PLA2R1: variants seen among roughly 807,000 people sequenced by gnomAD.
The protein encoded by PLA2R1 is secretory phospholipase A2 receptor.
A neutral mutation model predicts 195.9 loss-of-function variants in PLA2R1; 158 were observed. That is an observed-to-expected ratio of 0.81 (90% CI 0.71 to 0.92). The LOEUF is 0.92. Ranked by LOEUF, PLA2R1 falls within the 40% of genes least tolerant of loss-of-function variation. The pLI, the probability that PLA2R1 is intolerant of heterozygous loss-of-function variation, is 0.00. For missense variants in PLA2R1, 1,626 were observed against 1,764.6 expected (o/e 0.92, Z 1.41); for synonymous variants, 586 against 598.2 (o/e 0.98, Z 0.30).
the PLA2R1 span, among the ~76,000 whole-genome samples, chr2:159,924,192 A>C: frequency 1.3e-5 from 2 of 152,148 alleles, no homozygotes; most frequent in Non-Finnish European, 2.9e-5. Context: ...CTCTGCATGC[A>C]TGTTGAATCT....
chr2:160,038,238 C>T (rs779464071), intron 3 of PLA2R1, among the ~76,000 whole-genome samples: 5 of 152,176 alleles, frequency 3.3e-5, no homozygotes, highest in Admixed American at 1.3e-4. Flanking sequence ...TTTCAAGACT[C>T]GCACAGGTCT....
At chr2:159,947,208 T>A (rs558201835) in intron 26 of PLA2R1, among the ~76,000 whole-genome samples, 1 of 152,208 alleles carries the variant, frequency 6.6e-6, no homozygotes, top group Non-Finnish European at 1.5e-5. Context: ...TGAGACATCA[T>A]CTTAGGTTTC....
intron 17 of PLA2R1, among the ~76,000 whole-genome samples, chr2:159,975,461 T>A (rs759025535): frequency 6.6e-6 from 1 of 152,122 alleles, no homozygotes; most frequent in Non-Finnish European, 1.5e-5. Flanking sequence ...TTCTCTACTT[T>A]AAGTTGAAAT....
intron 3 of PLA2R1, 28 bp from the exon 4 acceptor site, chr2:160,033,160 C>A (rs571271755): frequency 3.2e-6 from 5 of 1,576,756 alleles, no homozygotes; most frequent in Non-Finnish European, 4.3e-6. Context: ...TAAAAACAAC[C>A]AGGTCTTATT....
intron 20 of PLA2R1, among the ~76,000 whole-genome samples, chr2:159,959,745 C>T (rs1273982792): frequency 6.6e-6 from 1 of 152,076 alleles, no homozygotes; most frequent in Non-Finnish European, 1.5e-5. Flanking sequence ...TACAATAAGC[C>T]TGAAACCTCA....
At chr2:159,944,798 C>T in intron 28 of PLA2R1, 108 bp downstream of exon 28, 1 of 785,742 alleles carries the variant, frequency 1.3e-6, no homozygotes, top group South Asian at 1.7e-5. Flanking sequence ...CAGAATCTAT[C>T]TGAATACTCT....
In PLA2R1 at chr2:160,062,583, C is replaced by T. The variant is rs1696044575; in HGVS notation, c.-180G>A. On this transcript the variant is annotated 5_prime_UTR_variant, in exon 1 of 30. Coordinates refer to ENST00000283243, the MANE Select transcript of PLA2R1 (RefSeq NM_007366.5). ...GCCCTGGAGACCCACTCCGCCACCG[C>T]TGTCTCCACAGTGAACCGACACTCG... 4.4e-6 allele frequency: 5 copies of T among 1,128,274 alleles called. No homozygotes were observed. The highest frequency in any genetic ancestry group is 7.7e-5 in the Admixed American group (2 of 25,878). The allele number at this position is 1,128,274 out of a possible 1,614,324, so 69.9% of individuals were successfully genotyped here.
chr2:159,996,437 G>A (rs779196658), intron 11 of PLA2R1, among the ~76,000 whole-genome samples: 3 of 152,020 alleles, frequency 2.0e-5, no homozygotes, highest in Non-Finnish European at 2.9e-5. Context: ...CTAAAGATAA[G>A]GTGTTTTTCC....
At chr2:160,051,298 T>C (rs1262450321) in intron 1 of PLA2R1, among the ~76,000 whole-genome samples, 1 of 152,236 alleles carries the variant, frequency 6.6e-6, no homozygotes, top group Non-Finnish European at 1.5e-5. Flanking sequence ...AGCCACAGCA[T>C]GCAGGCTGCA....
chr2:159,988,637 A>C (rs1690532078), intron 11 of PLA2R1, among the ~76,000 whole-genome samples: 1 of 152,200 alleles, frequency 6.6e-6, no homozygotes, highest in South Asian at 2.1e-4. Context: ...GTGATTATAG[A>C]TGACTGACGA....
Position 160,028,898 on chromosome 2 carries a change from A to G in PLA2R1, c.907T>C (p.Trp303Arg). 6.2e-7 allele frequency: 1 copy of G among 1,613,090 alleles called. No individual in the cohort carries two copies. Reference protein sequence around the residue: ...GLNQLDEHAGWQWSDGTPLNY... With the variant: ...GLNQLDEHAGRQWSDGTPLNY... ...AGCGGCGTTCCATCAGACCACTGCC[A>G]GCCAGCGTGTTCATCCAGCTGATTG... The change falls in exon 5 of 30, where the codon TGG (tryptophan) becomes CGG (arginine). Residue 303 changes from tryptophan to arginine, a missense_variant. Physicochemically the swap from Trp to Arg is moderately radical, Grantham distance 101. Transcript: ENST00000283243.
At chr2:160,006,777 T>A (rs1431167029) in intron 10 of PLA2R1, among the ~76,000 whole-genome samples, 1 of 152,224 alleles carries the variant, frequency 6.6e-6, no homozygotes, top group Non-Finnish European at 1.5e-5. Flanking sequence ...CCAGGAAACC[T>A]AAGGAGAAAG....
At chr2:160,051,642 T>C (rs1049891091) in intron 1 of PLA2R1, among the ~76,000 whole-genome samples, 2 of 152,224 alleles carry the variant, frequency 1.3e-5, no homozygotes, top group African/African-American at 4.8e-5. Context: ...AAGATTACTC[T>C]GTAGCAGGAA....
chr2:159,947,483 G>C lies in PLA2R1; in HGVS notation c.3786C>G (p.Tyr1262Ter), dbSNP rs990788678. Residue 1262 changes from tyrosine (Y) to a stop codon, truncating the protein, a stop_gained, in exon 26 of 30, where the codon TAC becomes TAG. Coordinates refer to ENST00000283243, the MANE Select transcript of PLA2R1 (RefSeq NM_007366.5). LOFTEE classifies it high-confidence loss of function. ...IPWIKFKSNC[Y>*]SFSTVLDSMS... ...TACTGTCTAGGACTGTAGAAAAACT[G>C]TAGCAATTACTTTTAAATTTTATCC... 6.2e-7 allele frequency: 1 copy of C among 1,613,012 alleles called. No homozygotes were observed. Among genetic ancestry groups the C allele is most frequent in the Non-Finnish European group, 8.5e-7 (1 of 1,179,134 alleles).
chr2:160,059,822 C>G (rs1311613359), intron 1 of PLA2R1, among the ~76,000 whole-genome samples: 1 of 152,194 alleles, frequency 6.6e-6, no homozygotes, highest in South Asian at 2.1e-4. Context: ...AAGCAGAAAC[C>G]CTTAATAAAC....
chr2:159,942,627 G>C (rs562683004), intron 28 of PLA2R1, among the ~76,000 whole-genome samples: 5 of 152,298 alleles, frequency 3.3e-5, no homozygotes, highest in African/African-American at 1.2e-4. Flanking sequence ...TCTTTGTAAG[G>C]ATTTTTAAAT....
In PLA2R1 at chr2:159,933,525, T is replaced by A. The variant is rs191402483; in HGVS notation, c.*8253A>T. The A allele has an allele frequency of 1.1e-4, 16 of 152,322 alleles. No individual in the cohort carries two copies. The highest frequency in any genetic ancestry group is 3.4e-4 in the African/African-American group (14 of 41,568). The allele number at this position is 152,322 out of a possible 1,614,324, so 9.4% of individuals were successfully genotyped here. On this transcript the variant is annotated 3_prime_UTR_variant, in exon 30 of 30. Transcript: ENST00000283243. ...ATTAATCAGTCCCCTCTCCTTTTTTTTCTGATTCTCTTCTTCTTGATATTA... is the reference window on the plus strand; with the variant it reads ...ATTAATCAGTCCCCTCTCCTTTTTTATCTGATTCTCTTCTTCTTGATATTA...
At chr2:160,019,399 T>G (rs1288168631) in intron 8 of PLA2R1, among the ~76,000 whole-genome samples, 1 of 152,146 alleles carries the variant, frequency 6.6e-6, no homozygotes, top group Admixed American at 6.5e-5. Flanking sequence ...CCGACCTCTC[T>G]CTCACCCCCA....
At position 159,949,710 on chromosome 2, in the gene PLA2R1, ACTC is replaced by A. The variant is rs1436818678; in HGVS notation, c.3604_3606del (p.Glu1202del). ...AAAACGCAGTCACCAAGGAGGGAGG[ACTC>A]CTCATCTTTCCAAAAAGTGAAAGAA... On this transcript the variant is annotated inframe_deletion, in exon 25 of 30. Coordinates refer to ENST00000283243, the MANE Select transcript of PLA2R1 (RefSeq NM_007366.5). 1.2e-5 allele frequency: 20 copies of A among 1,613,454 alleles called. No individual in the cohort carries two copies. Among genetic ancestry groups the A allele is most frequent in the Non-Finnish European group, 1.6e-5 (19 of 1,179,486 alleles).
Sources: gnomAD v4.1 joint callset for allele counts (sites outside exome capture counted in the v4.1 genomes callset) on GRCh38, gnomAD v4.1.1 for gene constraint, MANE v1.5 for transcripts, NCBI Gene and HGNC (gene_info 2026-07-23, HGNC 2026-07-21) for gene names.